The following HBS1L variants were observed in gnomAD, a reference collection of about 807,000 sequenced individuals.
HBS1L encodes the protein HBS1-like protein.
A neutral mutation model predicts 88.9 loss-of-function variants in HBS1L; 55 were observed. The observed-to-expected ratio is 0.62, with a 90% CI of 0.50 to 0.77. The LOEUF is 0.77. Ranked by LOEUF, HBS1L falls within the 30% of genes least tolerant of loss-of-function variation. The pLI is 0.00. For synonymous variants in HBS1L, 267 were observed against 288.5 expected (o/e 0.93, Z 0.76); for missense variants, 741 against 829.3 (o/e 0.89, Z 1.31).
intron 8 of HBS1L, among the ~76,000 whole-genome samples, chr6:134,989,371 GC>G (rs1775068210): frequency 6.6e-6 from 1 of 152,062 alleles, no homozygotes; most frequent in African/African-American, 2.4e-5. Flanking sequence ...CCCCTTTTTA[GC>G]TATCTCGGGC....
At chr6:135,054,168 G>C (rs184555041) in intron 1 of HBS1L, among the ~76,000 whole-genome samples, 61 of 152,326 alleles carry the variant, frequency 4.0e-4, no homozygotes, top group Non-Finnish European at 1.8e-4. Context: ...AGGTATGTAT[G>C]GACATACACA....
chr6:134,964,480 G>A lies in HBS1L; in HGVS notation c.*799C>T, dbSNP rs2114734533. The A allele has an allele frequency of 6.6e-6, 1 of 152,164 alleles. No homozygotes were observed. Among genetic ancestry groups the A allele is most frequent in the South Asian group, 2.1e-4 (1 of 4,822 alleles). The allele number at this position is 152,164 out of a possible 1,614,324, so 9.4% of individuals were successfully genotyped here. A position where few individuals can be genotyped will look rare whatever the true frequency, so the allele number is the denominator to read the frequency against. ...TTATGGTTAAAAAAATGAATGAGAT[G>A]AAATTGGATCTGCCATTAGGATAAA... On this transcript the variant is annotated 3_prime_UTR_variant, in exon 18 of 18. Coordinates refer to ENST00000367837, the MANE Select transcript of HBS1L (RefSeq NM_006620.4).
intron 2 of HBS1L, among the ~76,000 whole-genome samples, chr6:135,048,663 T>C (rs970374609): frequency 3.3e-5 from 5 of 152,248 alleles, no homozygotes; most frequent in African/African-American, 7.2e-5. Flanking sequence ...CTTCTTGATA[T>C]CCTGGTTGCA....
intron 8 of HBS1L, among the ~76,000 whole-genome samples, chr6:134,989,383 T>G (rs1444822698): frequency 1.3e-5 from 2 of 152,210 alleles, no homozygotes; most frequent in Non-Finnish European, 2.9e-5. Context: ...TATCTCGGGC[T>G]GTTACATGAT....
chr6:135,024,005 G>A lies in HBS1L; in HGVS notation c.430+15568C>T, dbSNP rs575462228. Among the ~76,000 whole-genome samples the A allele has an allele frequency of 1.2e-4, 18 of 152,060 alleles. No homozygotes were observed. The South Asian group carries it at 3.7e-3, about 32-fold the overall frequency. On this transcript the variant is annotated intron_variant, in intron 4 of 17. Coordinates refer to ENST00000367837, the MANE Select transcript of HBS1L (RefSeq NM_006620.4). ...ATGAAATAAAATTAATCCAGTGGTA[G>A]AAAAAGCCTCAATAGGAATCGTTAA...
chr6:134,963,008 G>T lies in HBS1L; in HGVS notation c.*2271C>A, dbSNP rs1774219183. 1 of 152,176 alleles carries T rather than the reference G, an allele frequency of 6.6e-6. No homozygotes were observed. The highest frequency in any genetic ancestry group is 1.5e-5 in the Non-Finnish European group (1 of 68,040). 9.4% of individuals were successfully genotyped at this position (152,176 alleles called of 1,614,324 possible). On this transcript the variant is annotated 3_prime_UTR_variant, in exon 18 of 18. Transcript: ENST00000367837. ...TACTTAAACACTATTGGAGAAGGAA[G>T]GAATGAATAAATGCATTCATTTCTA...
chr6:135,037,311 T>C, intron 4 of HBS1L: 4 of 1,551,874 alleles, frequency 2.6e-6, no homozygotes, highest in Non-Finnish European at 3.5e-6. Flanking sequence ...TTTCTTTGTG[T>C]TCCTGAAACA....
chr6:134,998,158 A>G (rs892531587), intron 5 of HBS1L, among the ~76,000 whole-genome samples: 3 of 152,212 alleles, frequency 2.0e-5, no homozygotes, highest in Non-Finnish European at 4.4e-5. Flanking sequence ...TTGACAGTGG[A>G]GCTTTAATTC....
chr6:134,968,334 C>T (rs535200080), intron 16 of HBS1L, among the ~76,000 whole-genome samples: 26 of 151,994 alleles, frequency 1.7e-4, no homozygotes, highest in African/African-American at 5.3e-4. Context: ...CTGCAACCTC[C>T]GCCCACCGGG....
Position 134,971,863 on chromosome 6 carries a change from G to A in HBS1L, c.1798-2525C>T, listed in dbSNP as rs117728969. On this transcript the variant is annotated intron_variant, in intron 15 of 17. Coordinates refer to ENST00000367837, the MANE Select transcript of HBS1L (RefSeq NM_006620.4). ...TGTAAATAGGAACCATACTAATACAGGTCCACAATCACTTATCTGCAATTC... is the reference window on the plus strand; with the variant it reads ...TGTAAATAGGAACCATACTAATACAAGTCCACAATCACTTATCTGCAATTC... Among the ~76,000 whole-genome samples the A allele has an allele frequency of 4.1e-4, 62 of 151,968 alleles. 1 individual carries two copies. In the East Asian group the frequency reaches 8.9e-3, roughly 22 times the overall value.
At position 135,002,790 on chromosome 6, in the gene HBS1L, T is replaced by C; in HGVS notation, c.483A>G (p.Lys161=). 6.2e-7 allele frequency: 1 copy of C among 1,613,492 alleles called. No individual in the cohort carries two copies. Among genetic ancestry groups the C allele is most frequent in the Non-Finnish European group, 8.5e-7 (1 of 1,179,576 alleles). Reference sequence around the variant, plus strand: ...TTCCAGATACAGTCATTTTAGCAACTTTTGGCACAATTTCAGATTCACTTC... The same window carrying C: ...TTCCAGATACAGTCATTTTAGCAACCTTTGGCACAATTTCAGATTCACTTC... ...TSRSESEIVP[K]VAKMTVSGKK... The change falls in exon 5 of 18, where the codon AAA becomes AAG. Residue 161 remains lysine (K), a synonymous_variant. Coordinates refer to ENST00000367837, the MANE Select transcript of HBS1L (RefSeq NM_006620.4).
rs892850780 is a variant in HBS1L at position 135,014,558 on chromosome 6, G to A, written c.431-11716C>T. 4.6e-5 allele frequency among the ~76,000 whole-genome samples: 7 copies of A among 152,224 alleles called. No homozygotes were observed. In the East Asian group the frequency reaches 1.2e-3, roughly 25 times the overall value. On this transcript the variant is annotated intron_variant, in intron 4 of 17. Coordinates refer to ENST00000367837, the MANE Select transcript of HBS1L (RefSeq NM_006620.4). The stretch of plus-strand genomic sequence containing the variant: ...GCAGCTGAACAAGTACTATAGTACC[G>A]GAAATGAGTAAGAAGGAACAGACAT...
chr6:135,034,025 A>G (rs1776460821), intron 4 of HBS1L, among the ~76,000 whole-genome samples: 1 of 152,242 alleles, frequency 6.6e-6, no homozygotes, highest in Non-Finnish European at 1.5e-5. Context: ...TTTTAAAATC[A>G]TTCACAAAAT....
rs1377397719 is a variant in HBS1L, at chr6:134,962,756, T to C, written c.*2523A>G. 1 of 152,186 alleles carries C rather than the reference T, an allele frequency of 6.6e-6. No homozygotes were observed. Among genetic ancestry groups the C allele is most frequent in the African/African-American group, 2.4e-5 (1 of 41,442 alleles). The allele number at this position is 152,186 out of a possible 1,614,324, so 9.4% of individuals were successfully genotyped here. On this transcript the variant is annotated 3_prime_UTR_variant, in exon 18 of 18. Coordinates refer to ENST00000367837, the MANE Select transcript of HBS1L (RefSeq NM_006620.4). ...GAAGACAGTCAGGACAAGAAATACC[T>C]GAAGCAAAATGACACAAAATGGATG...
In HBS1L at chr6:134,965,079, C is replaced by T; in HGVS notation, c.*200G>A. ...AGGCAAAGTTGTTTTTAACATTAGA[C>T]TTTCTTTGCCAGTTGGCAACTTAGA... On this transcript the variant is annotated 3_prime_UTR_variant, in exon 18 of 18. Transcript: ENST00000367837. The T allele has an allele frequency of 1.7e-6, 1 of 581,950 alleles. No homozygotes were observed. Among genetic ancestry groups the T allele is most frequent in the Non-Finnish European group, 3.0e-6 (1 of 331,168 alleles). 36.0% of individuals were successfully genotyped at this position (581,950 alleles called of 1,614,324 possible). A position where few individuals can be genotyped will look rare whatever the true frequency, so the allele number is the denominator to read the frequency against.
At chr6:135,031,800 C>T (rs765369757) in intron 4 of HBS1L, among the ~76,000 whole-genome samples, 4 of 151,572 alleles carry the variant, frequency 2.6e-5, no homozygotes, top group African/African-American at 2.4e-5. Context: ...ATGTCAATGT[C>T]GGAAATAAAT....
intron 13 of HBS1L, among the ~76,000 whole-genome samples, chr6:134,981,877 T>C (rs1243505985): frequency 3.3e-5 from 5 of 152,006 alleles, no homozygotes; most frequent in Non-Finnish European, 2.9e-5. Context: ...TCAGTCATTA[T>C]GAAAAAAATT....
At chr6:135,024,162 C>T (rs1397554211) in intron 4 of HBS1L, among the ~76,000 whole-genome samples, 1 of 151,960 alleles carries the variant, frequency 6.6e-6, no homozygotes, top group African/African-American at 2.4e-5. Context: ...AATGATGGGC[C>T]GGGCACAGTG....
intron 5 of HBS1L, among the ~76,000 whole-genome samples, chr6:135,001,552 G>A: frequency 6.6e-6 from 1 of 151,854 alleles, no homozygotes; most frequent in Non-Finnish European, 1.5e-5. Flanking sequence ...GGACAAAAAG[G>A]GCAATTATAA....
Sources: allele counts gnomAD v4.1 joint callset (sites outside exome capture counted in the v4.1 genomes callset), GRCh38; gene constraint gnomAD v4.1.1; transcripts MANE v1.5; gene names NCBI Gene and HGNC (gene_info 2026-07-23, HGNC 2026-07-21).